The following DOCK8 variants were observed in gnomAD, a reference collection of about 807,000 sequenced individuals.
The protein encoded by DOCK8 is dedicator of cytokinesis protein 8.
A neutral mutation model predicts 245.6 loss-of-function variants in DOCK8; 141 were observed. That is an observed-to-expected ratio of 0.57 (90% CI 0.50 to 0.66). The LOEUF is 0.66. Ranked by LOEUF, DOCK8 falls within the 30% of genes least tolerant of loss-of-function variation. DOCK8 has a pLI of 0.00. For missense variants in DOCK8, 2,965 were observed against 2,603.4 expected (o/e 1.14, Z -3.02); for synonymous variants, 1,168 against 970.2 (o/e 1.20, Z -3.79).
At chr9:332,608 T>G (rs1050258892) in intron 10 of DOCK8, 130 bp downstream of exon 10, 4 of 530,786 alleles carry the variant, frequency 7.5e-6, no homozygotes, top group Non-Finnish European at 1.4e-5. Flanking sequence ...TACATTTTAA[T>G]TAAATAAAAG....
chr9:214,826 G>A (rs748849067), upstream of DOCK8: 1 of 1,599,054 alleles, frequency 6.3e-7, no homozygotes, highest in Non-Finnish European at 8.5e-7. Context: ...GGTGATTTCG[G>A]CTTAGAAGGT....
chr9:293,790 A>G (rs893847611), intron 4 of DOCK8, among the ~76,000 whole-genome samples: 3 of 152,222 alleles, frequency 2.0e-5, no homozygotes, highest in Non-Finnish European at 4.4e-5. Context: ...GGAGGATGCA[A>G]TAGGGGTTGC....
At chr9:441,156 G>A in intron 40 of DOCK8, 130 bp from the exon 41 acceptor site, 2 of 1,384,460 alleles carry the variant, frequency 1.4e-6, no homozygotes, top group Non-Finnish European at 2.0e-6. Context: ...ACCCCTTCTT[G>A]CCCTGTGAAA....
At chr9:280,655 T>G (rs2130159956) in intron 2 of DOCK8, 1 of 152,344 alleles carries the variant, frequency 6.6e-6, no homozygotes, top group South Asian at 2.1e-4. Flanking sequence ...TTTGATTAAC[T>G]TAAAGTCACC....
At chr9:447,220 A>G (rs1459479789) in intron 44 of DOCK8, among the ~76,000 whole-genome samples, 1 of 152,238 alleles carries the variant, frequency 6.6e-6, no homozygotes, top group Non-Finnish European at 1.5e-5. Flanking sequence ...AGGACTGGTC[A>G]AGAAGGTCTC....
At chr9:256,350 G>A (rs1470366447) in intron 1 of DOCK8, among the ~76,000 whole-genome samples, 9 of 152,196 alleles carry the variant, frequency 5.9e-5, no homozygotes, top group Admixed American at 6.5e-5. Context: ...CCTGCAAGAG[G>A]CAGACTTGGT....
chr9:402,715 T>A (rs2055169333), intron 26 of DOCK8, among the ~76,000 whole-genome samples: 1 of 152,224 alleles, frequency 6.6e-6, no homozygotes, highest in Non-Finnish European at 1.5e-5. Flanking sequence ...TTTTTAATAG[T>A]CACTAAAAAT....
chr9:429,725 G>A lies in DOCK8; in HGVS notation c.4497G>A (p.Glu1499=), dbSNP rs886063957. ...IAKFGDLLFE[E]EVEQCFDLCH... The stretch of plus-strand genomic sequence containing the variant: ...AGTTTGGAGACTTACTCTTTGAAGA[G>A]GAGGTGGAACAGTGTTTCGACCTAT... Residue 1499 remains glutamate (E), a synonymous_variant, in exon 36 of 48, where the codon GAG becomes GAA. Coordinates refer to ENST00000432829, the MANE Select transcript of DOCK8 (RefSeq NM_203447.4). The A allele has an allele frequency of 3.1e-6, 5 of 1,614,046 alleles. No homozygotes were observed. The Middle Eastern group carries it at 4.9e-4, about 159-fold the overall frequency.
chr9:376,309 A>T lies in DOCK8; in HGVS notation c.2205+4A>T. On this transcript the variant is annotated splice_donor_region_variant and intron_variant, in intron 19 of 47. Transcript: ENST00000432829. ...TGTTTCTTCTGTACACACCCAGGTA[A>T]GGAATGTCAAGGTTAATCATGAAGG... The T allele has an allele frequency of 6.3e-7, 1 of 1,588,082 alleles. No homozygotes were observed. The highest frequency in any genetic ancestry group is 8.6e-7 in the Non-Finnish European group (1 of 1,156,140).
chr9:248,559 C>T (rs28631388), intron 1 of DOCK8, among the ~76,000 whole-genome samples: 5 of 97,308 alleles, frequency 5.1e-5, no homozygotes, highest in African/African-American at 1.9e-4. Context: ...CTCTCTCTCT[C>T]TCTTTCTTTC....
chr9:277,491 C>A (rs1285662613), intron 2 of DOCK8, among the ~76,000 whole-genome samples: 1 of 83,748 alleles, frequency 1.2e-5, no homozygotes, highest in Non-Finnish European at 2.2e-5. Flanking sequence ...GAAGAGAAGA[C>A]ATACAAAAGA....
Position 446,603 on chromosome 9 carries a change from G to A in DOCK8, c.5814G>A (p.Glu1938=), listed in dbSNP as rs566834987. The A allele has an allele frequency of 6.2e-7, 1 of 1,614,136 alleles. No individual in the cohort carries two copies. Among genetic ancestry groups the A allele is most frequent in the African/African-American group, 1.3e-5 (1 of 75,052 alleles). ...CCAGGATCAGCGTCATCCAGAAGGA[G>A]GAGGTAATGCACCCAAGGGATTGGC... ...IKTRISVIQK[E]EFVLTPIEVA... is the part of the protein sequence containing the mutation. Residue 1938 remains glutamate (E), a synonymous_variant, in exon 44 of 48, where the codon GAG becomes GAA. Transcript: ENST00000432829.
intron 46 of DOCK8, among the ~76,000 whole-genome samples, chr9:453,517 C>T (rs958585798): frequency 6.6e-6 from 1 of 152,202 alleles, no homozygotes; most frequent in African/African-American, 2.4e-5. Context: ...ACCTCCACTT[C>T]CCAGGCTCAA....
At chr9:401,650 G>A (rs1263785292) in intron 26 of DOCK8, among the ~76,000 whole-genome samples, 1 of 152,052 alleles carries the variant, frequency 6.6e-6, no homozygotes, top group African/African-American at 2.4e-5. Context: ...ATTTGAGTTA[G>A]GTATGAGCCA....
chr9:336,973 G>A (rs2051341383), intron 12 of DOCK8, among the ~76,000 whole-genome samples: 2 of 152,096 alleles, frequency 1.3e-5, no homozygotes, highest in South Asian at 2.1e-4. Flanking sequence ...TCTTGCTGGC[G>A]GGGCCTCTCT....
chr9:328,065 A>G lies in DOCK8; in HGVS notation c.938A>G (p.Lys313Arg). 2 of 1,614,216 alleles carry G rather than the reference A, an allele frequency of 1.2e-6. No individual in the cohort carries two copies. The highest frequency in any genetic ancestry group is 1.3e-5 in the African/African-American group (1 of 75,078). The change falls in exon 9 of 48, where the codon AAA becomes AGA. Residue 313 changes from lysine to arginine, a missense_variant. Lys to Arg is a conservative substitution (Grantham distance 26, BLOSUM62 2). This residue lies in a region of DOCK8 where 2,825 missense variants were observed against 2,453.5 expected (regional missense o/e 1.15). Transcript: ENST00000432829. The stretch of plus-strand genomic sequence containing the variant: ...TGTGACCTGAACTCTGACCAGTTCA[A>G]AGGATTTCTGCGAGCTCACACGCCT... ...FHCDLNSDQF[K>R]GFLRAHTPSV...
rs1164187597 is a variant in DOCK8, at chr9:339,015, C to T, written c.1432C>T (p.Arg478Cys). The T allele has an allele frequency of 3.1e-6, 5 of 1,614,030 alleles. No homozygotes were observed. The highest frequency in any genetic ancestry group is 2.2e-5 in the East Asian group (1 of 44,850). ...VSSFFKQEGD[R>C]LSDEDLFKFL... ...ACTTTTCTCTTGGCAGGAAGGAGAT[C>T]GCCTTAGCGATGAAGACTTATTCAA... The change falls in exon 13 of 48, where the codon CGC becomes TGC. Residue 478 changes from arginine (R) to cysteine (C), a missense_variant. Around this residue, in one of 3 missense-constraint regions of DOCK8, gnomAD observed 2,825 missense variants for 2,453.5 expected, o/e 1.15. Coordinates refer to ENST00000432829, the MANE Select transcript of DOCK8 (RefSeq NM_203447.4).
At chr9:445,704 A>G (rs1322288356) in intron 43 of DOCK8, among the ~76,000 whole-genome samples, 4 of 151,270 alleles carry the variant, frequency 2.6e-5, no homozygotes, top group Non-Finnish European at 5.9e-5. Flanking sequence ...TTTGCTTGTT[A>G]ATTCCCCACT....
chr9:363,403 G>C (rs2052824557), intron 14 of DOCK8, among the ~76,000 whole-genome samples: 2 of 152,082 alleles, frequency 1.3e-5, no homozygotes, highest in Non-Finnish European at 2.9e-5. Flanking sequence ...TGAAGCATAT[G>C]AGCCTGTTTA....
Sources: allele counts gnomAD v4.1 joint callset (sites outside exome capture counted in the v4.1 genomes callset), GRCh38; gene constraint gnomAD v4.1.1; regional missense constraint gnomAD v4.1.1; transcripts MANE v1.5; gene names NCBI Gene and HGNC (gene_info 2026-07-23, HGNC 2026-07-21).